The following CIITA variants were observed in gnomAD, a reference collection of about 807,000 sequenced individuals.
CIITA encodes the protein class II major histocompatibility complex transactivator, also known as MHC class II transactivator.
CIITA carries 72 observed loss-of-function variants against 115.1 expected under a neutral mutation model. The ratio of observed to expected loss-of-function variants is 0.63; its 90% CI spans 0.52 to 0.76. CIITA has a LOEUF of 0.76. Ranked by LOEUF, CIITA falls within the 30% of genes least tolerant of loss-of-function variation. CIITA has a pLI of 0.00. For synonymous variants in CIITA, 763 were observed against 635.6 expected (o/e 1.20, Z -3.02); for missense variants, 1,617 against 1,463.8 (o/e 1.10, Z -1.71).
rs1424826849 is a variant in CIITA at position 10,925,435 on chromosome 16, T to A, written c.*1580T>A. The A allele has an allele frequency of 6.6e-6, 1 of 152,340 alleles. No homozygotes were observed. The highest frequency in any genetic ancestry group is 1.5e-5 in the Non-Finnish European group (1 of 68,142). The allele number at this position is 152,340 out of a possible 1,614,324, so 9.4% of individuals were successfully genotyped here. On this transcript the variant is annotated 3_prime_UTR_variant, in exon 20 of 20. Transcript: ENST00000324288. Reference sequence around the variant, plus strand: ...GATCCTCCCACCTCAGCCTCCCGAATAGCTGGGACTACAGGTGTGAGTCAC... The same window carrying A: ...GATCCTCCCACCTCAGCCTCCCGAAAAGCTGGGACTACAGGTGTGAGTCAC...
rs760786324 is a variant in CIITA at position 10,895,308 on chromosome 16, T to C, written c.79T>C (p.Leu27=). 13 of 1,613,904 alleles carry C rather than the reference T, an allele frequency of 8.1e-6. No individual in the cohort carries two copies. Among genetic ancestry groups the C allele is most frequent in the South Asian group, 5.5e-5 (5 of 91,076 alleles). The change falls in exon 2 of 20, where the codon TTG becomes CTG. Residue 27 remains leucine, a synonymous_variant. Transcript: ENST00000324288. The part of the protein sequence containing the change: ...QGSSQCATME[L]GPLEGGYLEL... ...CAGCTCACAGTGTGCCACCATGGAGTTGGGGCCCCTAGAAGGTGGCTACCT... is the reference window on the plus strand; with the variant it reads ...CAGCTCACAGTGTGCCACCATGGAGCTGGGGCCCCTAGAAGGTGGCTACCT...
intron 2 of CIITA, 65 bp downstream of exon 2, chr16:10,895,493 A>T: frequency 8.1e-6 from 13 of 1,604,650 alleles, no homozygotes; most frequent in Non-Finnish European, 1.1e-5. Context: ...TAGAGACGGC[A>T]ATCAGGGGAA....
chr16:10,938,277 CCTGGCTCT>C, downstream of CIITA: 1 of 152,024 alleles, frequency 6.6e-6, no homozygotes, highest in East Asian at 1.9e-4. This position sits in a 1 kb window ranked among gnomAD's most constrained non-coding sequence, Gnocchi z 4.9. Context: ...AACCCAGGGC[CCTGGCTCT>C]TAACCATGAC....
upstream of CIITA, among the ~76,000 whole-genome samples, chr16:10,874,152 T>G (rs569294565): frequency 2.6e-5 from 4 of 151,964 alleles, no homozygotes; most frequent in East Asian, 1.9e-4. Context: ...CCTGGATAAT[T>G]TTTCTATTTT....
In CIITA at chr16:10,922,150, G is replaced by A. The variant is rs762641876; in HGVS notation, c.3150-17G>A. ...CACAGGCCTCCAATCCCTCCCCCTG[G>A]CCTCTGTTTCCGACAGCTTGTACAA... On this transcript the variant is annotated splice_polypyrimidine_tract_variant and intron_variant, in intron 16 of 19. Transcript: ENST00000324288. The A allele has an allele frequency of 9.3e-6, 15 of 1,612,920 alleles. No individual in the cohort carries two copies. In the African/African-American group the frequency reaches 2.0e-4, roughly 22 times the overall value.
intron 1 of CIITA, among the ~76,000 whole-genome samples, chr16:10,889,802 CTT>C (rs1315689752): frequency 6.6e-6 from 1 of 152,100 alleles, no homozygotes; most frequent in East Asian, 1.9e-4. Context: ...GCAAGGCAAT[CTT>C]CATTCTCCAG....
At position 10,923,636 on chromosome 16, in the gene CIITA, C is replaced by T. The variant is rs950346697; in HGVS notation, c.*23-242C>T. Among the ~76,000 whole-genome samples, 30 of 152,262 alleles carry T rather than the reference C, an allele frequency of 2.0e-4. No individual in the cohort carries two copies. Among genetic ancestry groups the T allele is most frequent in the Admixed American group, 7.2e-4 (11 of 15,298 alleles). On this transcript the variant is annotated intron_variant, in intron 19 of 19. Coordinates refer to ENST00000324288, the MANE Select transcript of CIITA (RefSeq NM_000246.4). This position sits in a 1 kb window ranked among gnomAD's most constrained non-coding sequence, Gnocchi z 5.2. ...CTCCAAGCCTTCCCAGCTGCTGTTT[C>T]GGCTTGGTGGCTGCCCTGATGCTCC...
At position 10,907,837 on chromosome 16, in the gene CIITA, T is replaced by C. The variant is rs13336804; in HGVS notation, c.2345T>C (p.Val782Ala). The C allele has an allele frequency of 0.076, 122,420 of 1,613,464 alleles. 5,099 individuals are homozygous for C. The highest frequency in any genetic ancestry group is 0.098 in the Middle Eastern group (593 of 6,058). Residue 782 changes from valine to alanine, a missense_variant, in exon 11 of 20, where the codon GTG becomes GCG. Coordinates refer to ENST00000324288, the MANE Select transcript of CIITA (RefSeq NM_000246.4). This position sits in a 1 kb window ranked among gnomAD's most constrained non-coding sequence, Gnocchi z 5.0. Reference protein sequence around the residue: ...ALLGPSAAASVDRKQKVLARY... With the variant: ...ALLGPSAAASADRKQKVLARY... ...CTCGGGCCATCGGCGGCTGCCTCGGTGGACAGGAAGCAGAAGGTGCTTGCG... is the reference window on the plus strand; with the variant it reads ...CTCGGGCCATCGGCGGCTGCCTCGGCGGACAGGAAGCAGAAGGTGCTTGCG...
intron 1 of CIITA, among the ~76,000 whole-genome samples, chr16:10,892,101 ATCACCTGAGGTCGGGAGT>A (rs2037649785): frequency 6.6e-6 from 1 of 152,240 alleles, no homozygotes; most frequent in South Asian, 2.1e-4. Context: ...AGGCGGGTGG[ATCACCTGAGGTCGGGAGT>A]TCGAAACCAG....
At chr16:10,870,439 C>G (rs1009030605) in intron 1 of CIITA, among the ~76,000 whole-genome samples, 1 of 152,176 alleles carries the variant, frequency 6.6e-6, no homozygotes, top group Non-Finnish European at 1.5e-5. Flanking sequence ...CAGTGAGTCC[C>G]AAGAGTCAAA....
In CIITA at chr16:10,887,015, A is replaced by T. The variant is rs572497906; in HGVS notation, c.53-8267A>T. ...GACTTTCTTACGGGGTGCTCAGTGA[A>T]TCATTGTTTTACAGCTTTAGAGGGG... On this transcript the variant is annotated intron_variant, in intron 1 of 19. Transcript: ENST00000324288. 5.3e-5 allele frequency among the ~76,000 whole-genome samples: 8 copies of T among 152,298 alleles called. No homozygotes were observed. In the South Asian group the frequency reaches 1.7e-3, roughly 32 times the overall value.
At chr16:10,915,461 G>T (rs1343372366) in intron 13 of CIITA, 109 bp from the exon 14 acceptor site, 2 of 826,010 alleles carry the variant, frequency 2.4e-6, no homozygotes, top group Admixed American at 1.8e-5. Flanking sequence ...GGAAGAGGAG[G>T]GGCCTCAGAC....
chr16:10,878,765 A>G (rs759155027), intron 1 of CIITA, among the ~76,000 whole-genome samples: 4 of 152,220 alleles, frequency 2.6e-5, no homozygotes, highest in Non-Finnish European at 5.9e-5. Flanking sequence ...GGGGCTGGCC[A>G]CTGTGAGGAA....
chr16:10,898,680 C>G lies in CIITA; in HGVS notation c.306C>G (p.Asp102Glu). 1 of 1,610,670 alleles carries G rather than the reference C, an allele frequency of 6.2e-7. No individual in the cohort carries two copies. Among genetic ancestry groups the G allele is most frequent in the Non-Finnish European group, 8.5e-7 (1 of 1,178,730 alleles). Residue 102 changes from aspartate (D) to glutamate (E), a missense_variant, in exon 4 of 20, where the codon GAC becomes GAG. Physicochemically the swap from Asp to Glu is conservative, Grantham distance 45. Coordinates refer to ENST00000324288, the MANE Select transcript of CIITA (RefSeq NM_000246.4). ...REAYANIAEL[D>E]QYVFQDSQLE... Reference sequence around the variant, plus strand: ...TCCTTGTCTGGGCAGCGGAACTGGACCAGTATGTCTTCCAGGACTCCCAGC... The same window carrying G: ...TCCTTGTCTGGGCAGCGGAACTGGAGCAGTATGTCTTCCAGGACTCCCAGC...
intron 13 of CIITA, 124 bp from the exon 14 acceptor site, chr16:10,915,446 G>A (rs2039885770): frequency 2.6e-6 from 2 of 764,182 alleles, no homozygotes; most frequent in Non-Finnish European, 4.7e-6. Context: ...AGGCTGGGGT[G>A]GAAGGGAAGA....
chr16:10,907,709 G>A lies in CIITA; in HGVS notation c.2217G>A (p.Leu739=). The A allele has an allele frequency of 6.2e-7, 1 of 1,614,214 alleles. No homozygotes were observed. The stretch of plus-strand genomic sequence containing the variant: ...AGGAGCTCCCGCAGTACCTAGCATT[G>A]ACCCCAAGGAAGAAGAGGCCCTATG... The part of the protein sequence containing the change: ...KDKELPQYLA[L]TPRKKRPYDN... The change falls in exon 11 of 20, where the codon TTG becomes TTA. Residue 739 remains leucine (L), a synonymous_variant. Coordinates refer to ENST00000324288, the MANE Select transcript of CIITA (RefSeq NM_000246.4). The surrounding 1 kb of genome is among the most constrained non-coding windows in gnomAD (Gnocchi z 5.0).
downstream of CIITA, chr16:10,937,106 G>A (rs2041039162): frequency 6.6e-6 from 1 of 152,234 alleles, no homozygotes; most frequent in Non-Finnish European, 1.5e-5. This position sits in a 1 kb window ranked among gnomAD's most constrained non-coding sequence, Gnocchi z 4.2. Flanking sequence ...GACACATACT[G>A]GGGTTTTCTC....
At chr16:10,891,141 C>G (rs1263135405) in intron 1 of CIITA, among the ~76,000 whole-genome samples, 1 of 152,200 alleles carries the variant, frequency 6.6e-6, no homozygotes, top group African/African-American at 2.4e-5. Context: ...CTCCTCCCTG[C>G]GGTCCCTCCC....
rs1253572660 is a variant in CIITA, at chr16:10,920,641, G to T, written c.3150-1526G>T. On this transcript the variant is annotated intron_variant, in intron 16 of 19. Coordinates refer to ENST00000324288, the MANE Select transcript of CIITA (RefSeq NM_000246.4). The surrounding 1 kb of genome is among the most constrained non-coding windows in gnomAD (Gnocchi z 4.5). ...GAGGCCAAAATGCAAACTGTGACAC[G>T]CTATTGGTTATAAGACACATCCTGA... 6.6e-6 allele frequency among the ~76,000 whole-genome samples: 1 copy of T among 152,164 alleles called. No homozygotes were observed. Among genetic ancestry groups the T allele is most frequent in the Non-Finnish European group, 1.5e-5 (1 of 68,038 alleles).
Sources: allele counts gnomAD v4.1 joint callset (sites outside exome capture counted in the v4.1 genomes callset), GRCh38; gene constraint gnomAD v4.1.1; non-coding constraint Gnocchi (gnomAD v3.1); transcripts MANE v1.5; gene names NCBI Gene and HGNC (gene_info 2026-07-23, HGNC 2026-07-21).